Variants in FLG observed in about 807,000 individuals in gnomAD.
FLG encodes the protein epidermal filaggrin.
Under a neutral mutation model 3.8 loss-of-function variants are expected in FLG, and 6 were observed. The ratio of observed to expected loss-of-function variants is 1.60; its 90% confidence interval spans 0.87 to 3.15. The LOEUF (loss-of-function observed/expected upper bound fraction) is 3.15. FLG is among the 30% of genes most tolerant of loss of function. The pLI, the probability that FLG is intolerant of heterozygous loss-of-function variation, is 0.00. For synonymous variants in FLG, 2,551 were observed against 1,931.6 expected (o/e 1.32, Z -8.41); for missense variants, 7,595 against 5,050.9 (o/e 1.50, Z -15.27).
At position 152,308,101 on chromosome 1, in the gene FLG, G is replaced by C. The variant is rs747976701; in HGVS notation, c.6785C>G (p.Ser2262Cys). The C allele has an allele frequency of 1.6e-5, 26 of 1,613,884 alleles. No individual in the cohort carries two copies. Among genetic ancestry groups the C allele is most frequent in the Non-Finnish European group, 1.9e-5 (23 of 1,180,006 alleles). ...AGATCCATGATGGTTTCTGGACGCA[G>C]ACCCAGACCGCCTCTCAGAATCTTC... ...HSEDSERRSG[S>C]ASRNHHGSAQ... is the part of the protein sequence containing the mutation. Residue 2262 changes from serine (S) to cysteine (C), a missense_variant, in exon 3 of 3, where the codon TCT becomes TGT. By Grantham distance (112) the Ser-to-Cys change is moderately radical. Transcript: ENST00000368799.
intron 1 of FLG, among the ~76,000 whole-genome samples, chr1:152,316,036 G>A (rs562981486): frequency 6.6e-6 from 1 of 152,116 alleles, no homozygotes; most frequent in Non-Finnish European, 1.5e-5. Flanking sequence ...AATATTTAAA[G>A]AGAAAGGTTT....
chr1:152,321,176 C>A (rs1261998304), intron 1 of FLG, among the ~76,000 whole-genome samples: 1 of 150,410 alleles, frequency 6.6e-6, no homozygotes, highest in Admixed American at 6.6e-5. Flanking sequence ...TCACTGTTAT[C>A]ATTTTTTATG....
At position 152,302,988 on chromosome 1, in the gene FLG, T is replaced by C. The variant is rs764711271; in HGVS notation, c.11898A>G (p.Gln3966=). The change falls in exon 3 of 3, where the codon CAA becomes CAG. Residue 3966 remains glutamine, a synonymous_variant. Coordinates refer to ENST00000368799, the MANE Select transcript of FLG (RefSeq NM_002016.2). The part of the protein sequence containing the change: ...YHYQSEGTER[Q]KGQSGLVWRH... Reference sequence around the variant, plus strand: ...TCCAAACTAAACCTGATTGACCTTTTTGCCTTTCAGTGCCCTCAGATTGAT... The same window carrying C: ...TCCAAACTAAACCTGATTGACCTTTCTGCCTTTCAGTGCCCTCAGATTGAT... 9 of 1,614,208 alleles carry C rather than the reference T, an allele frequency of 5.6e-6. No individual in the cohort carries two copies. Among genetic ancestry groups the C allele is most frequent in the South Asian group, 2.2e-5 (2 of 91,068 alleles).
At position 152,311,113 on chromosome 1, in the gene FLG, G is replaced by A. The variant is rs1438692967; in HGVS notation, c.3773C>T (p.Ser1258Leu). The change falls in exon 3 of 3, where the codon TCG becomes TTG. Residue 1258 changes from serine (S) to leucine (L), a missense_variant. By Grantham distance (145) the Ser-to-Leu change is moderately radical. Coordinates refer to ENST00000368799, the MANE Select transcript of FLG (RefSeq NM_002016.2). ...RHSQVGQEQS[S>L]GSRTSRHQGS... ...CTGGTGCCTGCTTGTCCTGGACCCC[G>A]ATGATTGTTCCTGTCCCACCTGTGA... 8.1e-6 allele frequency: 13 copies of A among 1,613,674 alleles called. No individual in the cohort carries two copies. In the African/African-American group the frequency reaches 9.4e-5, roughly 12 times the overall value.
In FLG at chr1:152,307,847, C is replaced by CGG. The variant is rs1258975175; in HGVS notation, c.7038_7039insCC (p.Gly2347ProfsTer73). ...ACTGCAGATGAAGCTTGTCCGTGCCCAATGCCTGAGTGTCTGGAGCTGTCT... is the reference window on the plus strand; with the variant it reads ...ACTGCAGATGAAGCTTGTCCGTGCCCGGAATGCCTGAGTGTCTGGAGCTGTCT... On this transcript the variant is annotated frameshift_variant, in exon 3 of 3. Coordinates refer to ENST00000368799, the MANE Select transcript of FLG (RefSeq NM_002016.2). LOFTEE classifies it low-confidence loss of function (END_TRUNC). 1.2e-6 allele frequency: 2 copies of CGG among 1,612,958 alleles called. No homozygotes were observed. Among genetic ancestry groups the CGG allele is most frequent in the African/African-American group, 2.7e-5 (2 of 74,396 alleles).
Position 152,313,454 on chromosome 1 carries a change from G to C in FLG, c.1432C>G (p.Pro478Ala), listed in dbSNP as rs11584340. ...CCGGTCCGTCCATGGGCAGAGTCAGGCTGTTCATGAGTGCTCACCTGGTAG... is the reference window on the plus strand; with the variant it reads ...CCGGTCCGTCCATGGGCAGAGTCAGCCTGTTCATGAGTGCTCACCTGGTAG... The part of the protein sequence containing the change: ...SLYQVSTHEQ[P>A]DSAHGRTGTS... Residue 478 changes from proline (P) to alanine (A), a missense_variant, in exon 3 of 3, where the codon CCT (proline) becomes GCT (alanine). Coordinates refer to ENST00000368799, the MANE Select transcript of FLG (RefSeq NM_002016.2). The C allele has an allele frequency of 6.2e-7, 1 of 1,613,284 alleles. No individual in the cohort carries two copies. Among genetic ancestry groups the C allele is most frequent in the Non-Finnish European group, 8.5e-7 (1 of 1,179,892 alleles).
chr1:152,309,416 T>A lies in FLG; in HGVS notation c.5470A>T (p.Arg1824Trp). 1 of 1,613,518 alleles carries A rather than the reference T, an allele frequency of 6.2e-7. No individual in the cohort carries two copies. Among genetic ancestry groups the A allele is most frequent in the Non-Finnish European group, 8.5e-7 (1 of 1,179,906 alleles). ...GATTGCTCATAGTGGGATCCCTGCC[T>A]TCCTCCTCTGCTTGACCCTGGGTGT... ...RGHPGSSRGG[R>W]QGSHYEQSVD... The change falls in exon 3 of 3, where the codon AGG (arginine) becomes TGG (tryptophan). Residue 1824 changes from arginine to tryptophan, a missense_variant. Arg to Trp is a moderately radical substitution (Grantham distance 101). Coordinates refer to ENST00000368799, the MANE Select transcript of FLG (RefSeq NM_002016.2).
In FLG at chr1:152,308,858, G is replaced by A. The variant is rs775526749; in HGVS notation, c.6028C>T (p.Gln2010Ter). 1 of 1,614,120 alleles carries A rather than the reference G, an allele frequency of 6.2e-7. No individual in the cohort carries two copies. Among genetic ancestry groups the A allele is most frequent in the Non-Finnish European group, 8.5e-7 (1 of 1,179,962 alleles). ...CTGGAGCTGTCTGCTGACTGGAGCT[G>A]GTGGTGGGATCCATGTCTTTCTCCT... is the stretch of plus-strand genomic sequence containing the variant. ...SAGERHGSHH[Q>*]LQSADSSRHS... Residue 2010 changes from glutamine (Q) to a stop codon, truncating the protein, a stop_gained, in exon 3 of 3, where the codon CAG becomes TAG. Transcript: ENST00000368799. LOFTEE classifies it low-confidence loss of function (END_TRUNC).
At chr1:152,317,034 C>T (rs1237272835) in intron 1 of FLG, among the ~76,000 whole-genome samples, 2 of 152,090 alleles carry the variant, frequency 1.3e-5, no homozygotes, top group Non-Finnish European at 2.9e-5. Flanking sequence ...ATATACCTTG[C>T]CTTCACTTTA....
At position 152,310,953 on chromosome 1, in the gene FLG, G is replaced by A; in HGVS notation, c.3933C>T (p.Phe1311=). ...CGTGACTGGCTCTGTCTTCTTGATG[G>A]AACCCAGGGTGTCTGGAGCCATCTC... ...QSRDGSRHPG[F]HQEDRASHGH... is the part of the protein sequence containing the mutation. The change falls in exon 3 of 3, where the codon TTC becomes TTT. Residue 1311 remains phenylalanine, a synonymous_variant. Coordinates refer to ENST00000368799, the MANE Select transcript of FLG (RefSeq NM_002016.2). The A allele has an allele frequency of 6.2e-7, 1 of 1,613,994 alleles. No individual in the cohort carries two copies.
chr1:152,313,858 C>G lies in FLG; in HGVS notation c.1028G>C (p.Arg343Thr), dbSNP rs1557882108. The stretch of plus-strand genomic sequence containing the variant: ...GTCTGCAGAGTGCCCATGACTGGCT[C>G]TGTCTTCATCATGGGACCTGGGGTG... ...SRHPRSHDEDRASHGHSADSS... is the reference protein window; with the variant it reads ...SRHPRSHDEDTASHGHSADSS... Residue 343 changes from arginine to threonine, a missense_variant, in exon 3 of 3, where the codon AGA (arginine) becomes ACA (threonine). Coordinates refer to ENST00000368799, the MANE Select transcript of FLG (RefSeq NM_002016.2). 6.2e-7 allele frequency: 1 copy of G among 1,614,024 alleles called. No individual in the cohort carries two copies. Among genetic ancestry groups the G allele is most frequent in the Non-Finnish European group, 8.5e-7 (1 of 1,179,960 alleles).
In FLG at chr1:152,304,963, T is replaced by G; in HGVS notation, c.9923A>C (p.Gln3308Pro). The G allele has an allele frequency of 6.2e-7, 1 of 1,613,976 alleles. No homozygotes were observed. Among genetic ancestry groups the G allele is most frequent in the Non-Finnish European group, 8.5e-7 (1 of 1,179,998 alleles). The stretch of plus-strand genomic sequence containing the variant: ...TGAGTGTCTGGAGCTGTCTGCTGAC[T>G]GCTGGTGGCGGGATCCGTGTCTCTC... Reference protein sequence around the residue: ...PGERHGSRHQQSADSSRHSGI... With the variant: ...PGERHGSRHQPSADSSRHSGI... Residue 3308 changes from glutamine (Q) to proline (P), a missense_variant, in exon 3 of 3, where the codon CAG becomes CCG. Gln to Pro is a moderately conservative substitution (Grantham distance 76). Transcript: ENST00000368799.
chr1:152,308,037 C>A lies in FLG; in HGVS notation c.6849G>T (p.Arg2283Ser). 1.2e-6 allele frequency: 2 copies of A among 1,614,176 alleles called. No individual in the cohort carries two copies. Among genetic ancestry groups the A allele is most frequent in the Non-Finnish European group, 1.7e-6 (2 of 1,180,032 alleles). ...EQSRDGSRHP[R>S]SHHEDRAGHG... ...GACCGGCTCTGTCTTCGTGATGGGA[C>A]CTGGGGTGTCTGGAGCCATCTCTTG... The change falls in exon 3 of 3, where the codon AGG becomes AGT. Residue 2283 changes from arginine to serine, a missense_variant. Transcript: ENST00000368799.
rs1652376533 is a variant in FLG at position 152,311,049 on chromosome 1, G to A, written c.3837C>T (p.His1279=). ...SVSQDSDSER[H]SDDSERLSGS... is the part of the protein sequence containing the mutation. Reference sequence around the variant, plus strand: ...CAGACAACCTCTCGGAGTCGTCTGAGTGTCTCTCACTGTCACTGTCCTGGC... The same window carrying A: ...CAGACAACCTCTCGGAGTCGTCTGAATGTCTCTCACTGTCACTGTCCTGGC... The change falls in exon 3 of 3, where the codon CAC becomes CAT. Residue 1279 remains histidine, a synonymous_variant. Coordinates refer to ENST00000368799, the MANE Select transcript of FLG (RefSeq NM_002016.2). 1.9e-6 allele frequency: 3 copies of A among 1,613,782 alleles called. No individual in the cohort carries two copies. The highest frequency in any genetic ancestry group is 1.3e-5 in the African/African-American group (1 of 74,832).
Position 152,315,299 on chromosome 1 carries a change from G to A in FLG, c.138+20C>T. 6.2e-7 allele frequency: 1 copy of A among 1,611,700 alleles called. No homozygotes were observed. Among genetic ancestry groups the A allele is most frequent in the Non-Finnish European group, 8.5e-7 (1 of 1,178,388 alleles). ...GAGAAAAACAAATGCTCTATCTTTGGTCTTGTCAGAGACTCTTACCTTCAG... is the reference window on the plus strand; with the variant it reads ...GAGAAAAACAAATGCTCTATCTTTGATCTTGTCAGAGACTCTTACCTTCAG... On this transcript the variant is annotated intron_variant, in intron 2 of 2. Transcript: ENST00000368799.
rs1474724453 is a variant in FLG at position 152,303,560 on chromosome 1, G to T, written c.11326C>A (p.Gln3776Lys). Residue 3776 changes from glutamine to lysine, a missense_variant, in exon 3 of 3, where the codon CAA (glutamine) becomes AAA (lysine). Gln to Lys is a moderately conservative substitution (Grantham distance 53, BLOSUM62 1). Transcript: ENST00000368799. ...GAGTGTCCAGACCTATCTACCGATT[G>T]CTCGTGGTAGGATCCCTGTCTTCCT... ...RGGRQGSYHE[Q>K]SVDRSGHSGS... 1 of 1,614,054 alleles carries T rather than the reference G, an allele frequency of 6.2e-7. No homozygotes were observed. The highest frequency in any genetic ancestry group is 1.1e-5 in the South Asian group (1 of 91,068).
Position 152,308,958 on chromosome 1 carries a change from T to G in FLG, c.5928A>C (p.Gln1976His), listed in dbSNP as rs200035512. The change falls in exon 3 of 3, where the codon CAA becomes CAC. Residue 1976 changes from glutamine to histidine, a missense_variant. Transcript: ENST00000368799. The stretch of plus-strand genomic sequence containing the variant: ...AAGACTCTGTGTGACGAGTGCCTGA[T>G]TGTCTGGAGCTGTCTGCAGAGTGCC... Reference protein sequence around the residue: ...GHGHSADSSRQSGTRHTESSS... With the variant: ...GHGHSADSSRHSGTRHTESSS... 1.9e-6 allele frequency: 3 copies of G among 1,613,992 alleles called. No individual in the cohort carries two copies. The highest frequency in any genetic ancestry group is 1.3e-5 in the African/African-American group (1 of 74,910).
Position 152,304,426 on chromosome 1 carries a change from C to T in FLG, c.10460G>A (p.Arg3487Lys). The T allele has an allele frequency of 2.5e-6, 4 of 1,612,080 alleles. No homozygotes were observed. The highest frequency in any genetic ancestry group is 3.4e-6 in the Non-Finnish European group (4 of 1,179,186). Reference sequence around the variant, plus strand: ...TGATTGTTCGTCATTACGAGTTTGTCTGCTGGCACTTCTGGATCCTGACTG... The same window carrying T: ...TGATTGTTCGTCATTACGAGTTTGTTTGCTGGCACTTCTGGATCCTGACTG... ...RGQSGSRSASRQTRNDEQSGD... is the reference protein window; with the variant it reads ...RGQSGSRSASKQTRNDEQSGD... Residue 3487 changes from arginine (R) to lysine (K), a missense_variant, in exon 3 of 3, where the codon AGA becomes AAA. Coordinates refer to ENST00000368799, the MANE Select transcript of FLG (RefSeq NM_002016.2).
chr1:152,314,940 G>A, intron 2 of FLG, 193 bp from the exon 3 acceptor site: 2 of 617,504 alleles, frequency 3.2e-6, no homozygotes, highest in South Asian at 2.2e-5. Context: ...GACTAGTAAG[G>A]TATCAAGATT....
Sources: gnomAD v4.1 joint callset for allele counts (sites outside exome capture counted in the v4.1 genomes callset) on GRCh38, gnomAD v4.1.1 for gene constraint, MANE v1.5 for transcripts, NCBI Gene and HGNC (gene_info 2026-07-23, HGNC 2026-07-21) for gene names.